SMAD2: variants seen among roughly 807,000 people sequenced by gnomAD.
SMAD2 encodes MAD homolog 2.
SMAD2 carries 8 observed loss-of-function variants against 64.4 expected under a neutral mutation model. The observed-to-expected ratio is 0.12, with a 90% CI of 0.07 to 0.22. SMAD2 has a LOEUF of 0.22. Ranked by LOEUF, SMAD2 falls within the 10% of genes least tolerant of loss-of-function variation. The pLI is 1.00. For missense variants in SMAD2, 289 were observed against 561.2 expected (o/e 0.51, Z 4.90); for synonymous variants, 203 against 195.8 (o/e 1.04, Z -0.31).
intron 1 of SMAD2, among the ~76,000 whole-genome samples, chr18:47,920,565 G>C (rs1443676039): frequency 6.6e-6 from 1 of 152,176 alleles, no homozygotes; most frequent in Non-Finnish European, 1.5e-5. Flanking sequence ...TTACATTTCT[G>C]GAAAGCACAA....
rs1002171636 is a variant in SMAD2, at chr18:47,835,038, A to G, written c.*6789T>C. On this transcript the variant is annotated 3_prime_UTR_variant, in exon 11 of 11. Coordinates refer to ENST00000262160, the MANE Select transcript of SMAD2 (RefSeq NM_005901.6). ...TATGAACATTTTTTATTCTGCCTAC[A>G]ATGCTGTGATCTAGTTCAACAACTG... The G allele has an allele frequency of 4.5e-6, 1 of 220,482 alleles. No homozygotes were observed. Among genetic ancestry groups the G allele is most frequent in the Non-Finnish European group, 9.1e-6 (1 of 110,096 alleles). 13.7% of individuals were successfully genotyped at this position (220,482 alleles called of 1,614,324 possible). A position where few individuals can be genotyped will look rare whatever the true frequency, so the allele number is the denominator to read the frequency against.
chr18:47,874,101 T>C (rs976319761), intron 2 of SMAD2, among the ~76,000 whole-genome samples: 3 of 152,220 alleles, frequency 2.0e-5, no homozygotes, highest in African/African-American at 7.2e-5. Context: ...AAGATGTCCA[T>C]CTGACCTAAT....
intron 6 of SMAD2, among the ~76,000 whole-genome samples, chr18:47,857,968 A>G (rs1013821659): frequency 6.6e-4 from 100 of 152,362 alleles, no homozygotes; most frequent in African/African-American, 2.2e-3. Context: ...ATGTGACATT[A>G]AAGCACCAAA....
chr18:47,923,804 CAT>C (rs1184372426), intron 1 of SMAD2, among the ~76,000 whole-genome samples: 14 of 152,158 alleles, frequency 9.2e-5, no homozygotes, highest in Admixed American at 2.0e-4. Flanking sequence ...CAGGTGTGCA[CAT>C]GTTTTAAGTC....
chr18:47,877,005 C>T (rs943130779), intron 2 of SMAD2, among the ~76,000 whole-genome samples: 5 of 152,040 alleles, frequency 3.3e-5, no homozygotes, highest in African/African-American at 7.2e-5. Context: ...AAAGGTGGCT[C>T]GCATCACAGA....
Position 47,896,726 on chromosome 18 carries a change from C to T in SMAD2, c.31G>A (p.Val11Ile). The change falls in exon 2 of 11, where the codon GTT (valine) becomes ATT (isoleucine). Residue 11 changes from valine (V) to isoleucine (I), a missense_variant. Transcript: ENST00000262160. MSSILPFTPP[V>I]VKRLLGWKKS... ...TTCCATCCCAGCAGTCTCTTCACAA[C>T]TGGCGGCGTGAATGGCAAGATGGAC... 2.5e-6 allele frequency: 4 copies of T among 1,614,088 alleles called. No homozygotes were observed. Among genetic ancestry groups the T allele is most frequent in the Non-Finnish European group, 3.4e-6 (4 of 1,179,982 alleles).
chr18:47,888,498 A>G (rs1488423069), intron 2 of SMAD2, among the ~76,000 whole-genome samples: 7 of 152,230 alleles, frequency 4.6e-5, no homozygotes, highest in African/African-American at 1.4e-4. Flanking sequence ...ATACTTCGAA[A>G]AAGTAGAAGT....
intron 1 of SMAD2, among the ~76,000 whole-genome samples, chr18:47,901,982 C>CT (rs2144491283): frequency 6.6e-6 from 1 of 152,270 alleles, no homozygotes; most frequent in African/African-American, 2.4e-5. Flanking sequence ...GTTCTCAAGT[C>CT]GCTTCCCCTA....
At chr18:47,867,471 A>C (rs189717401) in intron 5 of SMAD2, 3 of 152,060 alleles carry the variant, frequency 2.0e-5, no homozygotes, top group Non-Finnish European at 4.4e-5. Context: ...AATGCTCTTA[A>C]GTTCCTTACA....
chr18:47,885,700 G>A (rs1792667), intron 2 of SMAD2, among the ~76,000 whole-genome samples: 66,588 of 151,838 alleles, frequency 0.44, 15,566 homozygotes, highest in East Asian at 0.6. Context: ...GGTGACTCAC[G>A]CTTGTAATCC....
chr18:47,886,570 CATCTATCTATCTATCT>C (rs5824712), intron 2 of SMAD2, among the ~76,000 whole-genome samples: 45 of 146,806 alleles, frequency 3.1e-4, no homozygotes, highest in African/African-American at 8.3e-4. Context: ...TATATCTATC[CATCTATCTATCTATCT>C]ATCTATCTAT....
intron 2 of SMAD2, 134 bp from the exon 3 acceptor site, chr18:47,870,698 C>A: frequency 1.4e-6 from 1 of 736,266 alleles, no homozygotes; most frequent in Non-Finnish European, 2.5e-6. Flanking sequence ...TTCACTTTTT[C>A]ACAGGCATGT....
At position 47,836,296 on chromosome 18, in the gene SMAD2, T is replaced by C. The variant is rs1913406163; in HGVS notation, c.*5531A>G. 2.7e-5 allele frequency: 6 copies of C among 223,748 alleles called. No individual in the cohort carries two copies. The South Asian group carries it at 1.1e-3, about 41-fold the overall frequency. 13.9% of individuals were successfully genotyped at this position (223,748 alleles called of 1,614,324 possible). A position where few individuals can be genotyped will look rare whatever the true frequency, so the allele number is the denominator to read the frequency against. On this transcript the variant is annotated 3_prime_UTR_variant, in exon 11 of 11. Coordinates refer to ENST00000262160, the MANE Select transcript of SMAD2 (RefSeq NM_005901.6). ...TCTAGTATTATCAACAACAACAAAG[T>C]TAACCCTAAGTTAGTACATCCCAGA...
intron 1 of SMAD2, among the ~76,000 whole-genome samples, chr18:47,929,282 CATA>C (rs558645519): frequency 1.8e-4 from 28 of 152,232 alleles, no homozygotes; most frequent in African/African-American, 6.0e-4. Context: ...AAATTTTCAG[CATA>C]ATAAGAGCAA....
At position 47,825,327 on chromosome 18, in the gene SMAD2, G is replaced by A. The variant is rs1912712777; in HGVS notation, c.*16500C>T. 6.6e-6 allele frequency: 1 copy of A among 152,278 alleles called. No homozygotes were observed. Among genetic ancestry groups the A allele is most frequent in the Non-Finnish European group, 1.5e-5 (1 of 68,096 alleles). 9.4% of individuals were successfully genotyped at this position (152,278 alleles called of 1,614,324 possible). On this transcript the variant is annotated 3_prime_UTR_variant, in exon 11 of 11. Coordinates refer to ENST00000262160, the MANE Select transcript of SMAD2 (RefSeq NM_005901.6). ...TGAGAGCTGGGGCCTAGTGGGAGAT[G>A]TTTGGTTCACTGAGGCAGATGCTTC...
chr18:47,893,210 T>C (rs2033285813), intron 2 of SMAD2, among the ~76,000 whole-genome samples: 1 of 152,058 alleles, frequency 6.6e-6, no homozygotes, highest in Non-Finnish European at 1.5e-5. Context: ...CAGAAAATGG[T>C]GGGAAGGGAG....
chr18:47,930,824 G>C (rs2034988444), upstream of SMAD2: 1 of 148,074 alleles, frequency 6.8e-6, no homozygotes, highest in African/African-American at 2.4e-5. Context: ...CGGGCTGCTG[G>C]CTGGCGAGCT....
intron 6 of SMAD2, among the ~76,000 whole-genome samples, chr18:47,858,842 GA>G (rs1339602532): frequency 6.6e-6 from 1 of 152,074 alleles, no homozygotes; most frequent in Non-Finnish European, 1.5e-5. Flanking sequence ...TAAAAGGCAG[GA>G]AAACAAACAG....
chr18:47,827,107 G>A lies in SMAD2; in HGVS notation c.*14720C>T, dbSNP rs1332243478. Reference sequence around the variant, plus strand: ...GACCAAGGATTAAAATTAGCAGAATGTTATTCTGTCCAGCCATTAAAATCC... The same window carrying A: ...GACCAAGGATTAAAATTAGCAGAATATTATTCTGTCCAGCCATTAAAATCC... On this transcript the variant is annotated 3_prime_UTR_variant, in exon 11 of 11. Coordinates refer to ENST00000262160, the MANE Select transcript of SMAD2 (RefSeq NM_005901.6). 1 of 152,084 alleles carries A rather than the reference G, an allele frequency of 6.6e-6. No homozygotes were observed. The highest frequency in any genetic ancestry group is 1.5e-5 in the Non-Finnish European group (1 of 68,026). 9.4% of individuals were successfully genotyped at this position (152,084 alleles called of 1,614,324 possible). A position where few individuals can be genotyped will look rare whatever the true frequency, so the allele number is the denominator to read the frequency against.
Sources: gnomAD v4.1 joint callset for allele counts (sites outside exome capture counted in the v4.1 genomes callset) on GRCh38, gnomAD v4.1.1 for gene constraint, MANE v1.5 for transcripts, NCBI Gene and HGNC (gene_info 2026-07-23, HGNC 2026-07-21) for gene names.